The following MDN1 variants were observed in gnomAD, a reference collection of about 807,000 sequenced individuals.
MDN1 encodes the protein midasin.
A neutral mutation model predicts 669.2 loss-of-function variants in MDN1; 266 were observed. The ratio of observed to expected loss-of-function variants is 0.40; its 90% CI spans 0.36 to 0.44. The LOEUF (loss-of-function observed/expected upper bound fraction) is 0.44. MDN1 is among the 20% of genes least tolerant of loss of function. The pLI, the probability that MDN1 is intolerant of heterozygous loss-of-function variation, is 1.00. For synonymous variants in MDN1, 2,385 were observed against 2,457.1 expected (o/e 0.97, Z 0.87); for missense variants, 5,940 against 6,754.0 (o/e 0.88, Z 4.22).
chr6:89,703,365 G>A (rs912106779), intron 53 of MDN1, among the ~76,000 whole-genome samples: 3 of 125,590 alleles, frequency 2.4e-5, no homozygotes, highest in Non-Finnish European at 5.4e-5. Flanking sequence ...ACCATGTATG[G>A]GGAAGGGGGG....
intron 63 of MDN1, 89 bp from the exon 64 acceptor site, chr6:89,690,923 G>T: frequency 1.4e-6 from 2 of 1,434,384 alleles, no homozygotes; most frequent in East Asian, 2.3e-5. Context: ...TCATGAAAAT[G>T]AAAGTATCAT....
In MDN1 at chr6:89,749,735, G is replaced by A. The variant is rs4053618; in HGVS notation, c.3423C>T (p.Ala1141=). 0.83 allele frequency: 1,334,431 copies of A among 1,610,326 alleles called. 554,692 individuals are homozygous for A. The highest frequency in any genetic ancestry group is 0.92 in the East Asian group (41,421 of 44,854). Reference sequence around the variant, plus strand: ...AAATAATCCAATAGCCTTTTCTCATGGCATCAATAAGAACACCTAGGAAGA... The same window carrying A: ...AAATAATCCAATAGCCTTTTCTCATAGCATCAATAAGAACACCTAGGAAGA... ...LVFKEGVLID[A]MRKGYWIILD... The change falls in exon 25 of 102, where the codon GCC becomes GCT. Residue 1141 remains alanine, a synonymous_variant. Transcript: ENST00000369393.
At chr6:89,817,048 C>T (rs1768886718) in intron 1 of MDN1, among the ~76,000 whole-genome samples, 1 of 152,164 alleles carries the variant, frequency 6.6e-6, no homozygotes, top group Admixed American at 6.6e-5. Context: ...ACCCAATTGC[C>T]AGTCAGCAAA....
In MDN1 at chr6:89,689,983, G is replaced by T; in HGVS notation, c.10910C>A (p.Ser3637Tyr). 6.2e-7 allele frequency: 1 copy of T among 1,614,174 alleles called. No individual in the cohort carries two copies. Among genetic ancestry groups the T allele is most frequent in the Non-Finnish European group, 8.5e-7 (1 of 1,180,028 alleles). The stretch of plus-strand genomic sequence containing the variant: ...CGGCAGAGTCTGTTGATACCAGAGG[G>T]ATCGAGCAAAGTTGAGACACAATTG... ...HQQLCLNFAR[S>Y]LWYQQTLPPH... The change falls in exon 65 of 102, where the codon TCC becomes TAC. Residue 3637 changes from serine (S) to tyrosine (Y), a missense_variant. This residue lies in a region of MDN1 where 2,280 missense variants were observed against 2,576.3 expected (regional missense o/e 0.88). Transcript: ENST00000369393.
chr6:89,662,429 G>A (rs891067788), intron 86 of MDN1, among the ~76,000 whole-genome samples, 190 bp from the exon 87 acceptor site: 5 of 152,204 alleles, frequency 3.3e-5, no homozygotes, highest in Admixed American at 3.3e-4. Context: ...TTAAGTGTGT[G>A]AATGGTGGGG....
At chr6:89,805,786 A>T (rs1166941948) in intron 1 of MDN1, among the ~76,000 whole-genome samples, 1 of 152,188 alleles carries the variant, frequency 6.6e-6, no homozygotes, top group Non-Finnish European at 1.5e-5. Flanking sequence ...AACAATTTCT[A>T]TCAGTCTTAG....
chr6:89,779,659 A>G (rs1188686697), intron 11 of MDN1, among the ~76,000 whole-genome samples: 1 of 152,234 alleles, frequency 6.6e-6, no homozygotes, highest in Non-Finnish European at 1.5e-5. Context: ...GTTTTACTCT[A>G]TATCAAACTA....
intron 40 of MDN1, among the ~76,000 whole-genome samples, chr6:89,721,613 T>C (rs138791298): frequency 6.6e-6 from 1 of 152,238 alleles, no homozygotes; most frequent in Non-Finnish European, 1.5e-5. Flanking sequence ...AGCATGCAGC[T>C]TACTGCTTGA....
chr6:89,803,188 C>CT, intron 2 of MDN1, 140 bp downstream of exon 2: 1 of 746,730 alleles, frequency 1.3e-6, no homozygotes. Context: ...TGCTGTGACT[C>CT]TTTTTATAAA....
At position 89,690,908 on chromosome 6, in the gene MDN1, A is replaced by T. The variant is rs1163865336; in HGVS notation, c.10588-74T>A. The stretch of plus-strand genomic sequence containing the variant: ...TTCACAAAGGCAAGATTTGCTATTA[A>T]TTTCTCATGAAAATGAAAGTATCAT... On this transcript the variant is annotated intron_variant, in intron 63 of 101. Transcript: ENST00000369393. 3 of 1,507,326 alleles carry T rather than the reference A, an allele frequency of 2.0e-6. No individual in the cohort carries two copies. The African/African-American group carries it at 4.2e-5, about 21-fold the overall frequency. 93.4% of individuals were successfully genotyped at this position (1,507,326 alleles called of 1,614,324 possible).
chr6:89,759,073 A>G, intron 17 of MDN1, 113 bp from the exon 18 acceptor site: 1 of 1,034,352 alleles, frequency 9.7e-7, no homozygotes, highest in East Asian at 2.6e-5. Flanking sequence ...TTCCTACTTG[A>G]TGGGCCTATA....
chr6:89,754,785 T>C (rs1018353023), intron 20 of MDN1, among the ~76,000 whole-genome samples: 6 of 152,232 alleles, frequency 3.9e-5, no homozygotes, highest in African/African-American at 1.4e-4. Flanking sequence ...GTGAAATTCA[T>C]GATCAATTAG....
rs559624894 is a variant in MDN1 at position 89,685,966 on chromosome 6, T to C, written c.11580A>G (p.Lys3860=). 1.2e-6 allele frequency: 2 copies of C among 1,608,356 alleles called. No individual in the cohort carries two copies. The highest frequency in any genetic ancestry group is 2.7e-5 in the African/African-American group (2 of 74,644). The part of the protein sequence containing the change: ...QEQTEEQEDD[K]QMTLMLLVST... Reference sequence around the variant, plus strand: ...TGACCAGCAACATCAAGGTCATCTGTTTGTCATCTTTAAAAATTCAAAGAG... The same window carrying C: ...TGACCAGCAACATCAAGGTCATCTGCTTGTCATCTTTAAAAATTCAAAGAG... Residue 3860 remains lysine (K), a synonymous_variant, in exon 70 of 102, where the codon AAA becomes AAG. Coordinates refer to ENST00000369393, the MANE Select transcript of MDN1 (RefSeq NM_014611.3).
chr6:89,746,870 A>G (rs1230823440), intron 27 of MDN1, among the ~76,000 whole-genome samples: 1 of 152,226 alleles, frequency 6.6e-6, no homozygotes, highest in African/African-American at 2.4e-5. Flanking sequence ...CACAAACAGT[A>G]ACAAATTTTT....
chr6:89,711,945 G>A (rs1584246379), intron 49 of MDN1, 91 bp downstream of exon 49: 1 of 1,163,646 alleles, frequency 8.6e-7, no homozygotes, highest in East Asian at 2.4e-5. Flanking sequence ...TTTTAACAGT[G>A]TAGTCACAGA....
Position 89,712,163 on chromosome 6 carries a change from G to A in MDN1, c.7524C>T (p.Tyr2508=). Residue 2508 remains tyrosine (Y), a synonymous_variant, in exon 49 of 102, where the codon TAC becomes TAT. Transcript: ENST00000369393. ...LKFNAVEVNT[Y]WIDEPDVLVM... is the part of the protein sequence containing the mutation. ...CCAAAACATCTGGTTCATCGATCCAGTAAGTATTCACTTCGACTGCATTGA... is the reference window on the plus strand; with the variant it reads ...CCAAAACATCTGGTTCATCGATCCAATAAGTATTCACTTCGACTGCATTGA... 1 of 1,614,156 alleles carries A rather than the reference G, an allele frequency of 6.2e-7. No homozygotes were observed. The highest frequency in any genetic ancestry group is 1.3e-5 in the African/African-American group (1 of 75,060).
chr6:89,669,592 T>C (rs17292768), intron 83 of MDN1, among the ~76,000 whole-genome samples: 16,697 of 152,156 alleles, frequency 0.11, 1,027 homozygotes, highest in South Asian at 0.16. Context: ...GTACATCTCA[T>C]CTGTATTAAG....
chr6:89,698,867 T>C lies in MDN1; in HGVS notation c.9166A>G (p.Lys3056Glu). 1 of 1,613,608 alleles carries C rather than the reference T, an allele frequency of 6.2e-7. No homozygotes were observed. Among genetic ancestry groups the C allele is most frequent in the Non-Finnish European group, 8.5e-7 (1 of 1,179,856 alleles). The stretch of plus-strand genomic sequence containing the variant: ...TTTATAATTTTAGACCAACAAACCT[T>C]CAATGTGGAGTCCAAAACAGACTTG... ...APKSVLDSTL[K>E]GPGNLNRPIF... Residue 3056 changes from lysine to glutamate, a missense_variant and splice_region_variant, in exon 59 of 102, where the codon AAG becomes GAG. Physicochemically the swap from Lys to Glu is moderately conservative, Grantham distance 56. Around this residue, in one of 5 missense-constraint regions of MDN1, gnomAD observed 2,292 missense variants for 2,638.3 expected, o/e 0.87. Coordinates refer to ENST00000369393, the MANE Select transcript of MDN1 (RefSeq NM_014611.3).
chr6:89,654,466 A>G (rs1273718975), intron 92 of MDN1, 132 bp from the exon 93 acceptor site: 2 of 1,184,240 alleles, frequency 1.7e-6, no homozygotes, highest in South Asian at 1.5e-5. Flanking sequence ...CTGACCAGCT[A>G]TGTGGCTTGG....
Sources: gnomAD v4.1 joint callset for allele counts (sites outside exome capture counted in the v4.1 genomes callset) on GRCh38, gnomAD v4.1.1 for gene constraint, gnomAD v4.1.1 regional missense constraint, MANE v1.5 for transcripts, NCBI Gene and HGNC (gene_info 2026-07-23, HGNC 2026-07-21) for gene names.